DPP6: variants seen among roughly 807,000 people sequenced by gnomAD.
The protein encoded by DPP6 is A-type potassium channel modulatory protein DPP6.
In DPP6, 69 loss-of-function variants were observed where a neutral mutation model predicts 122.6. The ratio of observed to expected loss-of-function variants is 0.56; its 90% CI spans 0.46 to 0.69. DPP6 has a LOEUF of 0.69. DPP6 is among the 30% of genes least tolerant of loss of function. The probability of loss-of-function intolerance (pLI) is 0.00; values close to 1 mark genes in which losing one functional copy is unlikely to be tolerated. For synonymous variants in DPP6, 418 were observed against 433.1 expected (o/e 0.97, Z 0.43); for missense variants, 928 against 1,116.9 (o/e 0.83, Z 2.41).
At chr7:154,087,582 T>C (rs1238845535) in intron 1 of DPP6, among the ~76,000 whole-genome samples, 16 of 152,278 alleles carry the variant, frequency 1.1e-4, no homozygotes, top group Admixed American at 4.6e-4. Context: ...TTTTTAACAG[T>C]GAGTGATTGT....
chr7:154,010,300 A>G (rs17134265), intron 1 of DPP6, among the ~76,000 whole-genome samples: 15,464 of 152,288 alleles, frequency 0.1, 987 homozygotes, highest in East Asian at 0.36. Context: ...CATCTGAGCT[A>G]TCAGGAAGGC....
chr7:154,726,743 T>G (rs1842084314), intron 7 of DPP6, among the ~76,000 whole-genome samples: 1 of 152,246 alleles, frequency 6.6e-6, no homozygotes, highest in Admixed American at 6.5e-5. Context: ...TGAGTTTTTC[T>G]CTTCTACCAC....
At chr7:154,589,532 G>A (rs1449029910) in intron 5 of DPP6, among the ~76,000 whole-genome samples, 4 of 152,210 alleles carry the variant, frequency 2.6e-5, no homozygotes, top group East Asian at 1.9e-4. Flanking sequence ...CTGCAGTGAC[G>A]GAAATGGTCT....
chr7:154,654,600 G>T (rs1837123454), intron 6 of DPP6, among the ~76,000 whole-genome samples: 1 of 151,472 alleles, frequency 6.6e-6, no homozygotes, highest in African/African-American at 2.4e-5. Flanking sequence ...TTTATTTTTA[G>T]TAGAGACAGG....
intron 7 of DPP6, among the ~76,000 whole-genome samples, chr7:154,718,328 C>A (rs1841606669): frequency 6.6e-6 from 1 of 152,128 alleles, no homozygotes; most frequent in African/African-American, 2.4e-5. Context: ...CTTGCCCAGA[C>A]TAATGACACG....
chr7:154,198,240 T>C (rs1028682385), intron 1 of DPP6, among the ~76,000 whole-genome samples: 1 of 152,158 alleles, frequency 6.6e-6, no homozygotes, highest in Non-Finnish European at 1.5e-5. Context: ...CTTCGCCCAT[T>C]CTGTCTTACT....
chr7:154,807,537 A>G (rs1185236105), intron 16 of DPP6, among the ~76,000 whole-genome samples: 2 of 152,224 alleles, frequency 1.3e-5, no homozygotes, highest in Non-Finnish European at 1.5e-5. Context: ...ATGATTGAAT[A>G]TCACCAGGCA....
chr7:154,555,268 A>G (rs912001008), intron 4 of DPP6, among the ~76,000 whole-genome samples: 1 of 152,272 alleles, frequency 6.6e-6, no homozygotes, highest in African/African-American at 2.4e-5. Flanking sequence ...AATATACACC[A>G]TGGAATACTA....
intron 5 of DPP6, among the ~76,000 whole-genome samples, chr7:154,609,490 G>A (rs1387190): frequency 0.4 from 61,484 of 152,050 alleles, 13,443 homozygotes; most frequent in East Asian, 0.65. Context: ...ACTCTTTTGT[G>A]CCTGTGGTAT....
At chr7:154,782,133 C>T (rs1797066073) in intron 10 of DPP6, among the ~76,000 whole-genome samples, 1 of 152,132 alleles carries the variant, frequency 6.6e-6, no homozygotes, top group Non-Finnish European at 1.5e-5. Context: ...ATCTCTGCAC[C>T]GTCCGCACCT....
chr7:154,426,477 C>T lies in DPP6; in HGVS notation c.244-19737C>T, dbSNP rs150366636. Among the ~76,000 whole-genome samples, 238 of 152,174 alleles carry T rather than the reference C, an allele frequency of 1.6e-3. 2 individuals carry two copies. The highest frequency in any genetic ancestry group is 5.3e-3 in the African/African-American group (220 of 41,516). On this transcript the variant is annotated intron_variant, in intron 1 of 25. Coordinates refer to ENST00000377770, the MANE Select transcript of DPP6 (RefSeq NM_130797.4). ...ATGACTTCAGAGGAGTTTGCAGTTC[C>T]GTAGTAGAGACAGACACGTGTAGAA...
At chr7:154,698,919 C>CG (rs1418430294) in intron 7 of DPP6, among the ~76,000 whole-genome samples, 2 of 152,160 alleles carry the variant, frequency 1.3e-5, no homozygotes, top group African/African-American at 4.8e-5. Flanking sequence ...CTGAGGAAGA[C>CG]GAAGAGCCAG....
At chr7:153,866,849 G>T in the DPP6 span, among the ~76,000 whole-genome samples, 1 of 152,032 alleles carries the variant, frequency 6.6e-6, no homozygotes. Context: ...AAGGGATCCA[G>T]TTTCAGCTTT....
At chr7:154,319,730 C>T (rs1005831166) in intron 1 of DPP6, among the ~76,000 whole-genome samples, 4 of 151,686 alleles carry the variant, frequency 2.6e-5, no homozygotes, top group South Asian at 2.1e-4. Context: ...CAGTGGCTCA[C>T]GCCTGTAGTC....
At chr7:154,851,857 G>A (rs1039696662) in intron 16 of DPP6, among the ~76,000 whole-genome samples, 2 of 152,274 alleles carry the variant, frequency 1.3e-5, no homozygotes, top group South Asian at 2.1e-4. Flanking sequence ...AACAGAGAGG[G>A]GCACCACGTT....
intron 8 of DPP6, among the ~76,000 whole-genome samples, chr7:154,741,528 C>A (rs925589904): frequency 6.6e-6 from 1 of 152,208 alleles, no homozygotes. Flanking sequence ...CTTCTTTTTG[C>A]AGGAATAAAT....
intron 1 of DPP6, among the ~76,000 whole-genome samples, chr7:154,024,346 T>C (rs1396384537): frequency 6.6e-6 from 1 of 152,172 alleles, no homozygotes; most frequent in Non-Finnish European, 1.5e-5. Context: ...CCACAAATCA[T>C]GTTGCAAAGA....
chr7:153,905,211 G>A (rs962241038), intron 1 of DPP6, among the ~76,000 whole-genome samples: 1 of 152,180 alleles, frequency 6.6e-6, no homozygotes, highest in Non-Finnish European at 1.5e-5. Context: ...GGGGAAAGTT[G>A]GAGTAGTAGT....
chr7:154,156,477 A>G (rs1796686688), intron 1 of DPP6, among the ~76,000 whole-genome samples: 1 of 152,222 alleles, frequency 6.6e-6, no homozygotes, highest in Non-Finnish European at 1.5e-5. Context: ...AGTGGTTGAG[A>G]CTAGAGGGAC....
Sources: gnomAD v4.1 joint callset for allele counts (sites outside exome capture counted in the v4.1 genomes callset) on GRCh38, gnomAD v4.1.1 for gene constraint, MANE v1.5 for transcripts, NCBI Gene and HGNC (gene_info 2026-07-23, HGNC 2026-07-21) for gene names.